DPH6: variants seen among roughly 807,000 people sequenced by gnomAD.
DPH6 encodes diphthamine biosynthesis 6.
In DPH6, 33 loss-of-function variants were observed where a neutral mutation model predicts 38.2. The ratio of observed to expected loss-of-function variants is 0.86; its 90% CI spans 0.65 to 1.15. DPH6 has a LOEUF of 1.15. Among genes scored for constraint, DPH6 ranks in the 50% most tolerant of loss-of-function variants. The pLI is 0.00. For synonymous variants in DPH6, 108 were observed against 103.0 expected, an observed-to-expected ratio of 1.05 and a Z score of -0.30; for missense variants, 325 against 320.0, an observed-to-expected ratio of 1.02 and a Z score of -0.12.
intron 5 of DPH6, among the ~76,000 whole-genome samples, chr15:35,421,231 G>A (rs1000284527): frequency 2.0e-5 from 3 of 152,094 alleles, no homozygotes; most frequent in South Asian, 2.1e-4. Flanking sequence ...TAATAGCAAT[G>A]TTTCTCAAAC....
At chr15:35,385,080 G>C (rs2052931117) in intron 6 of DPH6, among the ~76,000 whole-genome samples, 1 of 152,096 alleles carries the variant, frequency 6.6e-6, no homozygotes, top group African/African-American at 2.4e-5. Flanking sequence ...ACCATCTCAT[G>C]CCAGTTAGAT....
chr15:35,236,989 C>A (rs761307425), intron 3 of DPH6, among the ~76,000 whole-genome samples: 10 of 152,120 alleles, frequency 6.6e-5, no homozygotes, highest in South Asian at 2.1e-4. Context: ...TGGCTCATCT[C>A]CATTACATAA....
At chr15:35,154,365 C>G in the DPH6 span, among the ~76,000 whole-genome samples, 10 of 152,004 alleles carry the variant, frequency 6.6e-5, no homozygotes, top group African/African-American at 2.2e-4. Flanking sequence ...TGAACTGGCA[C>G]AAGTTACTTA....
At chr15:35,441,834 G>A (rs2053792825) in intron 5 of DPH6, among the ~76,000 whole-genome samples, 1 of 151,918 alleles carries the variant, frequency 6.6e-6, no homozygotes, top group African/African-American at 2.4e-5. Flanking sequence ...GCTCATATAT[G>A]TATGTGTGTG....
chr15:35,415,485 C>T (rs2053424795), intron 5 of DPH6, among the ~76,000 whole-genome samples: 1 of 152,004 alleles, frequency 6.6e-6, no homozygotes, highest in South Asian at 2.1e-4. Context: ...TAATTCGTTG[C>T]AGAGTATCAA....
chr15:35,368,859 G>A (rs1005777832), downstream of DPH6, among the ~76,000 whole-genome samples: 6 of 144,364 alleles, frequency 4.2e-5, no homozygotes, highest in Non-Finnish European at 7.5e-5. Context: ...AGAACCTAGA[G>A]TTAAGGAGAA....
rs545287506 is a variant in DPH6 at position 35,340,656 on chromosome 15, T to A, written n.208-9579A>T. Among the ~76,000 whole-genome samples, 19 of 152,380 alleles carry A rather than the reference T, an allele frequency of 1.2e-4. No homozygotes were observed. In the South Asian group the frequency reaches 3.9e-3, roughly 32 times the overall value. ...TTATGAAGCTTAGTTTGGCTGGATA[T>A]AAAATTCTGGGTTGGAAATTCTTTT... is the stretch of plus-strand genomic sequence containing the variant. On this transcript the variant is annotated intron_variant and non_coding_transcript_variant, in intron 3 of 3. Transcript: ENST00000558973.
intron 3 of DPH6, among the ~76,000 whole-genome samples, chr15:35,229,988 C>T (rs1260081817): frequency 6.6e-6 from 1 of 152,204 alleles, no homozygotes; most frequent in Non-Finnish European, 1.5e-5. Context: ...TGGGTCAGAC[C>T]TGAAGCCAAC....
At chr15:35,186,178 A>G in the DPH6 span, among the ~76,000 whole-genome samples, 3 of 152,162 alleles carry the variant, frequency 2.0e-5, no homozygotes, top group Admixed American at 2.0e-4. Context: ...TAGGAGCATC[A>G]TCTTTAAAAT....
the DPH6 span, among the ~76,000 whole-genome samples, chr15:35,146,807 T>G: frequency 6.6e-6 from 1 of 152,174 alleles, no homozygotes; most frequent in African/African-American, 2.4e-5. Flanking sequence ...AAAATGGTAT[T>G]CATTTGGTGA....
chr15:35,147,235 C>T, the DPH6 span, among the ~76,000 whole-genome samples: 1 of 152,096 alleles, frequency 6.6e-6, no homozygotes, highest in Non-Finnish European at 1.5e-5. Context: ...ATAGAAATTG[C>T]CCAAAGTCTT....
At chr15:35,246,714 C>T (rs907537173) in intron 3 of DPH6, among the ~76,000 whole-genome samples, 9 of 152,212 alleles carry the variant, frequency 5.9e-5, no homozygotes, top group African/African-American at 2.2e-4. Flanking sequence ...GTAATGAGCC[C>T]CTTCTTCTTA....
rs188189638 is a variant in DPH6 at position 35,357,698 on chromosome 15, G to A, written n.207+15823C>T. Among the ~76,000 whole-genome samples the A allele has an allele frequency of 3.1e-4, 47 of 152,290 alleles. 2 individuals are homozygous for A. In the East Asian group the frequency reaches 8.5e-3, roughly 28 times the overall value. ...GATAACTGTTTTGTTTGAGGAGACC[G>A]AAGATATGGCCCCAATCACTTCTCG... On this transcript the variant is annotated intron_variant and non_coding_transcript_variant, in intron 3 of 3. Coordinates refer to the DPH6 transcript ENST00000558973.
chr15:35,469,640 T>C (rs945805628), intron 3 of DPH6, among the ~76,000 whole-genome samples: 12 of 152,104 alleles, frequency 7.9e-5, no homozygotes, highest in Non-Finnish European at 1.5e-5. Context: ...TGCACAGACA[T>C]GGGGAAGATG....
intron 3 of DPH6, among the ~76,000 whole-genome samples, chr15:35,246,412 C>CA (rs2140405637): frequency 6.6e-6 from 1 of 152,226 alleles, no homozygotes; most frequent in South Asian, 2.1e-4. Flanking sequence ...ATGACACATC[C>CA]AAATGATAAT....
At chr15:35,400,882 G>A (rs1452079825) in intron 6 of DPH6, 12 of 926,700 alleles carry the variant, frequency 1.3e-5, no homozygotes, top group South Asian at 2.6e-5. Context: ...ATATGCCACT[G>A]TGGAGGAGGT....
At chr15:35,340,735 C>G (rs930917441) in intron 3 of DPH6, among the ~76,000 whole-genome samples, 1 of 152,160 alleles carries the variant, frequency 6.6e-6, no homozygotes, top group Non-Finnish European at 1.5e-5. Context: ...GGGGTTTCTA[C>G]TGAGAGGTCT....
rs58549209 is a variant in DPH6, at chr15:35,473,913, AGTGTGTGTGTGTGT to A, written c.313-19107_313-19094del. Among the ~76,000 whole-genome samples the A allele has an allele frequency of 8.4e-3, 1,060 of 126,872 alleles. 11 individuals are homozygous for A. The highest frequency in any genetic ancestry group is 0.021 in the Middle Eastern group (5 of 240). The allele number at this position is 126,872 out of a possible 152,430, so 83.2% of individuals were successfully genotyped here. On this transcript the variant is annotated intron_variant, in intron 3 of 8. Transcript: ENST00000256538. ...AGGCAAGCGATAGAACACTGTGCAC[AGTGTGTGTGTGTGT>A]GTGTGTGTGTGTGTGTGTGTGTGTG...
intron 2 of DPH6, 88 bp downstream of exon 2, chr15:35,542,324 TC>T: frequency 9.2e-7 from 1 of 1,086,484 alleles, no homozygotes. Context: ...TCTTTTTTTT[TC>T]ATCTTTGTAC....
Sources: gnomAD v4.1 joint callset for allele counts (sites outside exome capture counted in the v4.1 genomes callset) on GRCh38, gnomAD v4.1.1 for gene constraint, MANE v1.5 for transcripts, NCBI Gene and HGNC (gene_info 2026-07-23, HGNC 2026-07-21) for gene names.